The following CSNK1G3 variants were observed in gnomAD, a reference collection of about 807,000 sequenced individuals.
The protein encoded by CSNK1G3 is casein kinase 1 gamma 3, also known as casein kinase I isoform gamma-3.
CSNK1G3 carries 23 observed loss-of-function variants against 64.3 expected under a neutral mutation model. That is an observed-to-expected ratio of 0.36 (90% CI 0.26 to 0.51). The LOEUF is 0.51. Ranked by LOEUF, CSNK1G3 falls within the 20% of genes least tolerant of loss-of-function variation. CSNK1G3 has a pLI of 0.96. For missense variants in CSNK1G3, 357 were observed against 510.5 expected (o/e 0.70, Z 2.90); for synonymous variants, 158 against 162.2 (o/e 0.97, Z 0.20).
In CSNK1G3 at chr5:123,588,472, C is replaced by T. The variant is rs1340519639; in HGVS notation, c.805C>T (p.Arg269Trp). The change falls in exon 8 of 13, where the codon CGG becomes TGG. Residue 269 changes from arginine (R) to tryptophan (W), a missense_variant. Transcript: ENST00000345990. The stretch of plus-strand genomic sequence containing the variant: ...GTATCAGAAAATTGGAGATACAAAA[C>T]GGGCTACACCAATAGAAGTGTTATG... 45 of 1,612,136 alleles carry T rather than the reference C, an allele frequency of 2.8e-5. No individual in the cohort carries two copies. Among genetic ancestry groups the T allele is most frequent in the Middle Eastern group, 1.6e-4 (1 of 6,072 alleles).
intron 1 of CSNK1G3, among the ~76,000 whole-genome samples, chr5:123,518,152 G>C (rs1777505183): frequency 6.6e-6 from 1 of 152,110 alleles, no homozygotes; most frequent in South Asian, 2.1e-4. Context: ...GGAATGCTGG[G>C]GTAGAGGAGA....
At chr5:123,585,757 A>G (rs1296885290) in intron 6 of CSNK1G3, among the ~76,000 whole-genome samples, 2 of 152,228 alleles carry the variant, frequency 1.3e-5, no homozygotes, top group African/African-American at 4.8e-5. Flanking sequence ...TACTGCTTAT[A>G]CTTCATAGCC....
chr5:123,558,238 TA>T (rs1032474404), intron 4 of CSNK1G3, among the ~76,000 whole-genome samples: 2 of 152,208 alleles, frequency 1.3e-5, no homozygotes, highest in Non-Finnish European at 2.9e-5. Context: ...ACCAAATTTG[TA>T]GTAATTTGTT....
chr5:123,571,753 C>G (rs1788153547), intron 4 of CSNK1G3, among the ~76,000 whole-genome samples: 1 of 149,228 alleles, frequency 6.7e-6, no homozygotes, highest in Non-Finnish European at 1.5e-5. Flanking sequence ...GATTTGTTTT[C>G]TCTTTCAATA....
chr5:123,554,947 A>T (rs113047614), intron 3 of CSNK1G3, among the ~76,000 whole-genome samples: 138 of 152,296 alleles, frequency 9.1e-4, no homozygotes, highest in African/African-American at 3.1e-3. Flanking sequence ...AGGTCCTGTT[A>T]TTTATAGATT....
At chr5:123,587,240 A>G (rs1196183238) in intron 6 of CSNK1G3, among the ~76,000 whole-genome samples, 6 of 152,228 alleles carry the variant, frequency 3.9e-5, no homozygotes, top group Non-Finnish European at 8.8e-5. Flanking sequence ...CCTAGATAGT[A>G]TGATTGTTCA....
intron 4 of CSNK1G3, among the ~76,000 whole-genome samples, chr5:123,558,793 A>G (rs1480118217): frequency 1.3e-5 from 2 of 152,236 alleles, no homozygotes; most frequent in African/African-American, 4.8e-5. Flanking sequence ...GAAACTATAC[A>G]TATTAGTTAT....
chr5:123,520,215 C>A (rs1434848391), intron 1 of CSNK1G3, among the ~76,000 whole-genome samples: 2 of 152,040 alleles, frequency 1.3e-5, no homozygotes, highest in Non-Finnish European at 2.9e-5. Flanking sequence ...TTAAGCATTT[C>A]TTTACCATCA....
intron 10 of CSNK1G3, among the ~76,000 whole-genome samples, chr5:123,598,329 T>C (rs1472079763): frequency 6.6e-6 from 1 of 152,164 alleles, no homozygotes; most frequent in East Asian, 1.9e-4. Context: ...TAGGCTCTTG[T>C]AGGTTTTCTT....
chr5:123,561,001 G>A (rs1447318136), intron 4 of CSNK1G3, among the ~76,000 whole-genome samples: 1 of 151,996 alleles, frequency 6.6e-6, no homozygotes, highest in Non-Finnish European at 1.5e-5. Context: ...CAAATAAATT[G>A]GAAAATAGAT....
At position 123,545,431 on chromosome 5, in the gene CSNK1G3, C is replaced by G; in HGVS notation, c.-233C>G. On this transcript the variant is annotated 5_prime_UTR_variant, in exon 2 of 13. In the 5' UTR this introduces an upstream ATG that the reference lacks. Coordinates refer to ENST00000345990, the Ensembl canonical transcript of CSNK1G3. ...TAATATTCTAGCTCTCTATCAATAT[C>G]AGCTCACATCATTGAAAAGATAATT... is the stretch of plus-strand genomic sequence containing the variant. The G allele has an allele frequency of 2.6e-6, 1 of 379,740 alleles. No individual in the cohort carries two copies. Among genetic ancestry groups the G allele is most frequent in the Non-Finnish European group, 4.8e-6 (1 of 210,112 alleles). 23.5% of individuals were successfully genotyped at this position (379,740 alleles called of 1,614,324 possible).
intron 6 of CSNK1G3, among the ~76,000 whole-genome samples, chr5:123,582,715 G>A (rs1391166340): frequency 6.6e-6 from 1 of 152,096 alleles, no homozygotes; most frequent in East Asian, 1.9e-4. Context: ...GTAGTTAAGT[G>A]CTTTAAAAAA....
intron 2 of CSNK1G3, among the ~76,000 whole-genome samples, chr5:123,552,274 T>C (rs1783826332): frequency 6.6e-6 from 1 of 151,824 alleles, no homozygotes; most frequent in Non-Finnish European, 1.5e-5. Context: ...GCCTCCTGAG[T>C]AGCTGGGATT....
At chr5:123,517,633 G>A (rs547991345) in intron 1 of CSNK1G3, among the ~76,000 whole-genome samples, 17 of 152,128 alleles carry the variant, frequency 1.1e-4, no homozygotes, top group Non-Finnish European at 2.2e-4. Context: ...GGAAATCACA[G>A]GTGTTGTTTT....
At chr5:123,606,170 G>C (rs1795330656) in intron 12 of CSNK1G3, among the ~76,000 whole-genome samples, 1 of 151,910 alleles carries the variant, frequency 6.6e-6, no homozygotes. Context: ...TTGTTAAAGA[G>C]CAGTGATTAA....
rs1554069353 is a variant in CSNK1G3, at chr5:123,539,437, T to TTA, written c.-247-5980_-247-5979insTA. Among the ~76,000 whole-genome samples, 761 of 133,252 alleles carry TTA rather than the reference T, an allele frequency of 5.7e-3. 8 individuals carry two copies. The highest frequency in any genetic ancestry group is 0.021 in the African/African-American group (735 of 35,662). The allele number at this position is 133,252 out of a possible 152,430, so 87.4% of individuals were successfully genotyped here. On this transcript the variant is annotated intron_variant, in intron 1 of 12. Transcript: ENST00000345990. ...CTCCAGCCTGGGTGAAAGAGCAGAT[T>TTA]AAAAAAAAAAAAAAAAAAGATTATC...
At chr5:123,520,721 G>A (rs1353823429) in intron 1 of CSNK1G3, among the ~76,000 whole-genome samples, 2 of 151,660 alleles carry the variant, frequency 1.3e-5, no homozygotes, top group South Asian at 4.2e-4. Context: ...TAAAATTAGT[G>A]GACTTCTGAA....
At chr5:123,546,010 A>C in intron 2 of CSNK1G3, 169 bp downstream of exon 2, 1 of 634,194 alleles carries the variant, frequency 1.6e-6, no homozygotes, top group Admixed American at 2.9e-5. Flanking sequence ...TTCATGTGTA[A>C]GGAATTCCCT....
intron 2 of CSNK1G3, among the ~76,000 whole-genome samples, chr5:123,548,682 G>T (rs779214200): frequency 2.0e-5 from 3 of 151,744 alleles, no homozygotes; most frequent in Admixed American, 6.6e-5. Flanking sequence ...AAGACAGGAG[G>T]ATAGCTTGAT....
Sources: gnomAD v4.1 joint callset for allele counts (sites outside exome capture counted in the v4.1 genomes callset) on GRCh38, gnomAD v4.1.1 for gene constraint, MANE v1.5 for transcripts, NCBI Gene and HGNC (gene_info 2026-07-23, HGNC 2026-07-21) for gene names.